The following CRTAM variants were observed in gnomAD, a reference collection of about 807,000 sequenced individuals.
CRTAM encodes cytotoxic and regulatory T-cell molecule.
CRTAM carries 44 observed loss-of-function variants against 50.0 expected under a neutral mutation model. The ratio of observed to expected loss-of-function variants is 0.88; its 90% confidence interval spans 0.69 to 1.13. The LOEUF (loss-of-function observed/expected upper bound fraction) is 1.13. Ranked by LOEUF, CRTAM falls within the 50% of genes most tolerant of loss-of-function variation. CRTAM has a pLI of 0.00. For synonymous variants in CRTAM, 159 were observed against 169.3 expected (o/e 0.94, Z 0.47); for missense variants, 448 against 457.5 (o/e 0.98, Z 0.19).
intron 5 of CRTAM, among the ~76,000 whole-genome samples, chr11:122,861,109 T>G (rs953643914): frequency 6.6e-6 from 1 of 152,172 alleles, no homozygotes; most frequent in Admixed American, 6.5e-5. Context: ...CTGGCACCTG[T>G]GTGGTCAGAG....
In CRTAM at chr11:122,838,610, T is replaced by C. The variant is rs1200880376; in HGVS notation, c.46+18T>C. 6.2e-7 allele frequency: 1 copy of C among 1,613,150 alleles called. No individual in the cohort carries two copies. The highest frequency in any genetic ancestry group is 1.7e-5 in the Admixed American group (1 of 59,996). Reference sequence around the variant, plus strand: ...CTTGCAAGGTAAGGACTTAGAGTTATTTTTGTTGTTGCTCAGCTGACTTAA... The same window carrying C: ...CTTGCAAGGTAAGGACTTAGAGTTACTTTTGTTGTTGCTCAGCTGACTTAA... On this transcript the variant is annotated intron_variant, in intron 1 of 9. Coordinates refer to ENST00000227348, the MANE Select transcript of CRTAM (RefSeq NM_019604.4).
At chr11:122,845,662 A>G (rs149804745) in intron 1 of CRTAM, among the ~76,000 whole-genome samples, 8,418 of 152,176 alleles carry the variant, frequency 0.055, 559 homozygotes, top group East Asian at 0.32. Context: ...AGCTGAGATC[A>G]TGCCACTGCA....
chr11:122,857,066 C>G (rs1862016449), intron 5 of CRTAM, among the ~76,000 whole-genome samples: 2 of 152,194 alleles, frequency 1.3e-5, no homozygotes, highest in South Asian at 4.1e-4. Flanking sequence ...TAATTTTCAG[C>G]AATTGTTCAA....
At position 122,867,443 on chromosome 11, in the gene CRTAM, G is replaced by A; in HGVS notation, c.852G>A (p.Lys284=). 5 of 1,613,398 alleles carry A rather than the reference G, an allele frequency of 3.1e-6. No individual in the cohort carries two copies. The highest frequency in any genetic ancestry group is 4.2e-6 in the Non-Finnish European group (5 of 1,179,892). The change falls in exon 8 of 10, where the codon AAG becomes AAA. Residue 284 remains lysine (K), a synonymous_variant. Coordinates refer to ENST00000227348, the MANE Select transcript of CRTAM (RefSeq NM_019604.4). ...ANPQYLGLAR[K]KSGILLLTLV... ...CTCAGTATTTAGGACTGGCAAGAAA[G>A]AAAAGTGGCATCCTGCTGCTCACGC...
In CRTAM at chr11:122,841,454, G is replaced by A. The variant is rs543473423; in HGVS notation, c.46+2862G>A. Among the ~76,000 whole-genome samples, 4 of 149,142 alleles carry A rather than the reference G, an allele frequency of 2.7e-5. No individual in the cohort carries two copies. The South Asian group carries it at 6.4e-4, about 24-fold the overall frequency. ...CTTGCTCCGTCGCCCAGGCTGGAGT[G>A]CAGTGGTGTGATCTCAGCTCACTGC... On this transcript the variant is annotated intron_variant, in intron 1 of 9. Transcript: ENST00000227348.
chr11:122,849,878 C>A (rs1258574373), intron 1 of CRTAM, among the ~76,000 whole-genome samples, 190 bp from the exon 2 acceptor site: 2 of 152,162 alleles, frequency 1.3e-5, no homozygotes, highest in African/African-American at 2.4e-5. Flanking sequence ...CCAGGGTCCC[C>A]TTCTTCAAGA....
At chr11:122,840,058 G>A (rs975352418) in intron 1 of CRTAM, among the ~76,000 whole-genome samples, 2 of 152,116 alleles carry the variant, frequency 1.3e-5, no homozygotes, top group African/African-American at 4.8e-5. Flanking sequence ...TTTTTCCAGA[G>A]TTTAAAGCCT....
At chr11:122,869,757 C>T (rs1258263945) in intron 9 of CRTAM, among the ~76,000 whole-genome samples, 1 of 152,096 alleles carries the variant, frequency 6.6e-6, no homozygotes, top group East Asian at 1.9e-4. Context: ...AGGTTTTGAC[C>T]TACTAGAGCG....
intron 1 of CRTAM, among the ~76,000 whole-genome samples, chr11:122,845,204 A>C (rs1861848346): frequency 6.6e-6 from 1 of 152,200 alleles, no homozygotes; most frequent in Non-Finnish European, 1.5e-5. Context: ...ACACTGATTT[A>C]AGGGGCAGAG....
intron 1 of CRTAM, among the ~76,000 whole-genome samples, chr11:122,844,642 G>A (rs186599429): frequency 6.6e-6 from 1 of 152,292 alleles, no homozygotes; most frequent in Non-Finnish European, 1.5e-5. Flanking sequence ...CATTGTAATA[G>A]TTTCTGTAAG....
chr11:122,853,260 G>A (rs1156928703), intron 3 of CRTAM, among the ~76,000 whole-genome samples: 1 of 151,676 alleles, frequency 6.6e-6, no homozygotes, highest in Non-Finnish European at 1.5e-5. Context: ...TAGAGATGGG[G>A]TTTCACCATG....
At chr11:122,862,391 T>A in intron 5 of CRTAM, 73 bp from the exon 6 acceptor site, 1 of 932,336 alleles carries the variant, frequency 1.1e-6, no homozygotes, top group Non-Finnish European at 1.8e-6. Flanking sequence ...TATTCTCCAA[T>A]CTCTTTTACT....
chr11:122,838,780 G>C (rs980781100), intron 1 of CRTAM, among the ~76,000 whole-genome samples, 188 bp downstream of exon 1: 3 of 151,932 alleles, frequency 2.0e-5, no homozygotes, highest in Non-Finnish European at 4.4e-5. Flanking sequence ...TTGATCTCTC[G>C]TTCAATGGCT....
intron 9 of CRTAM, among the ~76,000 whole-genome samples, chr11:122,869,270 T>C (rs1221050650): frequency 6.6e-6 from 1 of 152,210 alleles, no homozygotes; most frequent in Non-Finnish European, 1.5e-5. Flanking sequence ...TCTTCCTCCA[T>C]ATTGTAATTT....
intron 3 of CRTAM, among the ~76,000 whole-genome samples, chr11:122,852,346 C>T (rs540541117): frequency 6.6e-6 from 1 of 152,206 alleles, no homozygotes; most frequent in Admixed American, 6.5e-5. Context: ...TGTAGGAGGG[C>T]GGGATTGGGA....
chr11:122,842,515 G>A (rs1861810403), intron 1 of CRTAM, among the ~76,000 whole-genome samples: 1 of 152,210 alleles, frequency 6.6e-6, no homozygotes, highest in African/African-American at 2.4e-5. Context: ...CTGACCTCAG[G>A]AGATCCACCC....
At chr11:122,850,346 A>C in intron 2 of CRTAM, 132 bp downstream of exon 2, 1 of 811,704 alleles carries the variant, frequency 1.2e-6, no homozygotes, top group South Asian at 2.6e-5. Context: ...ACTGTTACAC[A>C]TGAATCACGC....
intron 2 of CRTAM, 55 bp from the exon 3 acceptor site, chr11:122,851,638 C>G: frequency 6.4e-7 from 1 of 1,561,856 alleles, no homozygotes; most frequent in Non-Finnish European, 8.8e-7. Flanking sequence ...TGGGTAGAGG[C>G]CAACGATTCA....
chr11:122,868,938 G>A (rs1265582485), intron 9 of CRTAM, among the ~76,000 whole-genome samples: 1 of 152,172 alleles, frequency 6.6e-6, no homozygotes, highest in African/African-American at 2.4e-5. Context: ...GAACCCGGGA[G>A]GCGGAGCTTG....
Sources: gnomAD v4.1 joint callset for allele counts (sites outside exome capture counted in the v4.1 genomes callset) on GRCh38, gnomAD v4.1.1 for gene constraint, MANE v1.5 for transcripts, NCBI Gene and HGNC (gene_info 2026-07-23, HGNC 2026-07-21) for gene names.